Variants in ALK observed in about 807,000 individuals in gnomAD.
The protein encoded by ALK is ALK tyrosine kinase receptor.
Under a neutral mutation model 163.1 loss-of-function variants are expected in ALK, and 74 were observed. The ratio of observed to expected loss-of-function variants is 0.45; its 90% CI spans 0.38 to 0.55. The LOEUF (loss-of-function observed/expected upper bound fraction) is 0.55. Ranked by LOEUF, ALK falls within the 20% of genes least tolerant of loss-of-function variation. The probability of loss-of-function intolerance (pLI) is 0.00; values close to 1 mark genes in which losing one functional copy is unlikely to be tolerated. For missense variants in ALK, 2,063 were observed against 2,105.3 expected (o/e 0.98, Z 0.39); for synonymous variants, 960 against 843.2 (o/e 1.14, Z -2.40).
At chr2:29,796,679 G>A (rs137855297) in intron 1 of ALK, among the ~76,000 whole-genome samples, 3 of 152,186 alleles carry the variant, frequency 2.0e-5, no homozygotes, top group South Asian at 2.1e-4. Context: ...GTTTAAACTC[G>A]TTTCTTTTCT....
chr2:29,652,591 A>T (rs904365235), intron 3 of ALK, among the ~76,000 whole-genome samples: 2 of 152,176 alleles, frequency 1.3e-5, no homozygotes, highest in African/African-American at 4.8e-5. Context: ...TGGTCACTGG[A>T]AAGACCAAGG....
intron 3 of ALK, among the ~76,000 whole-genome samples, chr2:29,548,472 C>CAA (rs1171656746): frequency 1.5e-4 from 19 of 125,832 alleles, no homozygotes; most frequent in Non-Finnish European, 2.7e-4. Flanking sequence ...GACTCGGTCT[C>CAA]AAAAAAAAAA....
intron 3 of ALK, among the ~76,000 whole-genome samples, chr2:29,544,691 T>G (rs543095517): frequency 8.6e-5 from 13 of 151,960 alleles, no homozygotes; most frequent in Non-Finnish European, 1.9e-4. Context: ...TTGTCTGACT[T>G]TCAAACTGTC....
intron 11 of ALK, among the ~76,000 whole-genome samples, chr2:29,266,430 T>C (rs1044644873): frequency 1.3e-5 from 2 of 152,234 alleles, no homozygotes; most frequent in African/African-American, 2.4e-5. Context: ...TGAATATTTA[T>C]AGAAGGCAAC....
At chr2:29,710,668 C>A (rs895663691) in intron 2 of ALK, among the ~76,000 whole-genome samples, 1 of 152,142 alleles carries the variant, frequency 6.6e-6, no homozygotes, top group Non-Finnish European at 1.5e-5. Flanking sequence ...GGCACATGTG[C>A]ACCCAGCTAA....
At chr2:29,486,070 T>C (rs1460436948) in intron 4 of ALK, among the ~76,000 whole-genome samples, 1 of 131,244 alleles carries the variant, frequency 7.6e-6, no homozygotes, top group Non-Finnish European at 1.6e-5. Context: ...TTTCCATTTC[T>C]GTTCTGGGTT....
intron 2 of ALK, among the ~76,000 whole-genome samples, chr2:29,710,870 T>A (rs1679076179): frequency 6.6e-6 from 1 of 152,278 alleles, no homozygotes; most frequent in Non-Finnish European, 1.5e-5. Flanking sequence ...AGCCAAGACC[T>A]GGGTTTACAG....
rs1663943658 is a variant in ALK at position 29,225,517 on chromosome 2, A to G, written c.3116T>C (p.Val1039Ala). ...GGCGGCCACGAGGGCAGAGGTCACC[A>G]CAGAGAGGATCAGCGAGAGTGGCAG... ...PHLPLSLILS[V>A]VTSALVAALV... is the part of the protein sequence containing the mutation. Residue 1039 changes from valine to alanine, a missense_variant, in exon 19 of 29, where the codon GTG becomes GCG. Val to Ala is a moderately conservative substitution (Grantham distance 64, BLOSUM62 0). This residue lies in a region of ALK where 575 missense variants were observed against 626.6 expected (regional missense o/e 0.92). Coordinates refer to ENST00000389048, the MANE Select transcript of ALK (RefSeq NM_004304.5). 1.2e-6 allele frequency: 2 copies of G among 1,613,534 alleles called. No individual in the cohort carries two copies. The highest frequency in any genetic ancestry group is 1.7e-6 in the Non-Finnish European group (2 of 1,179,968).
intron 3 of ALK, among the ~76,000 whole-genome samples, chr2:29,555,590 TGG>T (rs1458766028): frequency 6.6e-6 from 1 of 152,232 alleles, no homozygotes; most frequent in Non-Finnish European, 1.5e-5. Flanking sequence ...TCCCTTGGTT[TGG>T]ATTTAATGAA....
chr2:29,265,257 A>T (rs1373455708), intron 11 of ALK, among the ~76,000 whole-genome samples: 1 of 152,252 alleles, frequency 6.6e-6, no homozygotes, highest in East Asian at 1.9e-4. Flanking sequence ...ACCTCAAGTG[A>T]TCTGCCCACC....
chr2:29,396,829 T>C (rs1669317712), intron 4 of ALK, among the ~76,000 whole-genome samples: 1 of 141,916 alleles, frequency 7.0e-6, no homozygotes, highest in Admixed American at 7.5e-5. Flanking sequence ...GGCCCTTTGT[T>C]ACTATGGTTT....
intron 4 of ALK, among the ~76,000 whole-genome samples, chr2:29,437,736 A>G (rs1167716459): frequency 6.6e-6 from 1 of 152,150 alleles, no homozygotes; most frequent in Non-Finnish European, 1.5e-5. Flanking sequence ...AAATTCCATA[A>G]TAGGTTCTTT....
At chr2:29,872,959 G>GC (rs1424933445) in intron 1 of ALK, among the ~76,000 whole-genome samples, 3 of 152,220 alleles carry the variant, frequency 2.0e-5, no homozygotes, top group Non-Finnish European at 4.4e-5. Context: ...AAGTCAAAAA[G>GC]CAAGTGGTTT....
intron 3 of ALK, among the ~76,000 whole-genome samples, chr2:29,689,373 G>T: frequency 6.6e-6 from 1 of 152,216 alleles, no homozygotes; most frequent in Non-Finnish European, 1.5e-5. Context: ...TTCCCGCAAA[G>T]TCTGCACTTG....
intron 4 of ALK, among the ~76,000 whole-genome samples, chr2:29,410,585 T>C (rs1441423232): frequency 2.6e-5 from 4 of 152,248 alleles, no homozygotes; most frequent in Admixed American, 2.0e-4. Context: ...CTATATAGTA[T>C]GGCCTATTGC....
intron 19 of ALK, among the ~76,000 whole-genome samples, chr2:29,225,214 G>T (rs1663926229): frequency 6.6e-6 from 1 of 152,102 alleles, no homozygotes; most frequent in Non-Finnish European, 1.5e-5. Context: ...CCCCTGATCA[G>T]CCAGGAGGAT....
At chr2:29,636,337 G>GAAAGAAAAGAAAAGA (rs149544557) in intron 3 of ALK, among the ~76,000 whole-genome samples, 47 of 147,826 alleles carry the variant, frequency 3.2e-4, no homozygotes, top group African/African-American at 1.1e-3. Flanking sequence ...AATAAAGAAA[G>GAAAGAAAAGAAAAGA]AAAGAAAAGA....
At chr2:29,576,649 G>A (rs1208878006) in intron 3 of ALK, among the ~76,000 whole-genome samples, 2 of 152,204 alleles carry the variant, frequency 1.3e-5, no homozygotes, top group Non-Finnish European at 1.5e-5. Context: ...CCAGGAGGAG[G>A]TGAGTGGTGG....
intron 5 of ALK, among the ~76,000 whole-genome samples, chr2:29,352,544 A>T (rs1274966189): frequency 1.3e-5 from 2 of 152,388 alleles, no homozygotes; most frequent in East Asian, 3.9e-4. Context: ...TCTCAGGCTC[A>T]GAGGTCTTTT....
Sources: gnomAD v4.1 joint callset for allele counts (sites outside exome capture counted in the v4.1 genomes callset) on GRCh38, gnomAD v4.1.1 for gene constraint, gnomAD v4.1.1 regional missense constraint, MANE v1.5 for transcripts, NCBI Gene and HGNC (gene_info 2026-07-23, HGNC 2026-07-21) for gene names.